Variants in NR2F1-AS1 observed in about 807,000 individuals in gnomAD.
NR2F1-AS1 encodes NR2F1 antisense RNA 1.
chr5:93,492,756 C>T lies in NR2F1-AS1; in HGVS notation n.638+61005G>A, dbSNP rs80345284. Among the ~76,000 whole-genome samples the T allele has an allele frequency of 3.3e-5, 5 of 151,816 alleles. No individual in the cohort carries two copies. The East Asian group carries it at 9.7e-4, about 29-fold the overall frequency. On this transcript the variant is annotated intron_variant and non_coding_transcript_variant, in intron 4 of 5. Transcript: ENST00000660523. ...CATATGAAAATCAATTAATATAATG[C>T]ACCACATTAAGGGGATGGAGTAACA...
chr5:93,568,312 G>A (rs1752663036), intron 1 of NR2F1-AS1, among the ~76,000 whole-genome samples: 1 of 152,098 alleles, frequency 6.6e-6, no homozygotes, highest in South Asian at 2.1e-4. Flanking sequence ...TTCAAACTAA[G>A]TATATTTATT....
At chr5:93,513,092 G>A (rs941639542) in intron 4 of NR2F1-AS1, among the ~76,000 whole-genome samples, 24 of 152,152 alleles carry the variant, frequency 1.6e-4, no homozygotes, top group Non-Finnish European at 2.8e-4. Flanking sequence ...TCAGAGAAAG[G>A]CAAATCAAAA....
chr5:93,581,277 G>C (rs943111875), upstream of NR2F1-AS1: 1 of 152,434 alleles, frequency 6.6e-6, no homozygotes, highest in Non-Finnish European at 1.5e-5. Context: ...TCCCACCCCC[G>C]GCGGCGGCAG....
In NR2F1-AS1 at chr5:93,559,811, A is replaced by G. The variant is rs79226503; in HGVS notation, n.413+3553T>C. On this transcript the variant is annotated intron_variant and non_coding_transcript_variant, in intron 2 of 5. Coordinates refer to ENST00000660523, the Ensembl canonical transcript of NR2F1-AS1. ...AACGGGCTCAATTTGTGGCACCTCAAAACAATTACATTACTAATATCGAAG... is the reference window on the plus strand; with the variant it reads ...AACGGGCTCAATTTGTGGCACCTCAGAACAATTACATTACTAATATCGAAG... Among the ~76,000 whole-genome samples the G allele has an allele frequency of 2.4e-3, 369 of 152,332 alleles. 2 individuals are homozygous for G. Among genetic ancestry groups the G allele is most frequent in the African/African-American group, 8.4e-3 (348 of 41,574 alleles).
intron 4 of NR2F1-AS1, among the ~76,000 whole-genome samples, chr5:93,516,744 G>A (rs1751408370): frequency 6.6e-6 from 1 of 151,804 alleles, no homozygotes. Flanking sequence ...TAAAGTTAGA[G>A]GTATTTAAAA....
At chr5:93,519,150 T>C (rs1751452731) in intron 4 of NR2F1-AS1, among the ~76,000 whole-genome samples, 1 of 151,994 alleles carries the variant, frequency 6.6e-6, no homozygotes, top group African/African-American at 2.4e-5. Flanking sequence ...GTGTACTAGA[T>C]GAATTAGTTG....
intron 4 of NR2F1-AS1, among the ~76,000 whole-genome samples, chr5:93,532,807 A>G (rs1337114253): frequency 6.6e-6 from 1 of 152,266 alleles, no homozygotes; most frequent in Admixed American, 6.5e-5. Context: ...ATCATCAATC[A>G]TTTAATTACT....
chr5:93,551,364 CTATAT>C (rs1752224286), intron 4 of NR2F1-AS1, among the ~76,000 whole-genome samples: 2 of 151,996 alleles, frequency 1.3e-5, no homozygotes, highest in Non-Finnish European at 2.9e-5. Flanking sequence ...TCAGTTAAAA[CTATAT>C]TATAATACAA....
intron 4 of NR2F1-AS1, among the ~76,000 whole-genome samples, chr5:93,535,971 G>T (rs1364927985): frequency 2.0e-5 from 3 of 151,944 alleles, no homozygotes; most frequent in Non-Finnish European, 4.4e-5. Context: ...ACAAGAGAAA[G>T]AAATAAAAGA....
chr5:93,547,758 C>A (rs1369235832), intron 4 of NR2F1-AS1, among the ~76,000 whole-genome samples: 3 of 152,070 alleles, frequency 2.0e-5, no homozygotes, highest in Non-Finnish European at 4.4e-5. Flanking sequence ...ATACCAGATA[C>A]TATTTAAAAC....
At chr5:93,546,713 T>C (rs1015523585) in intron 4 of NR2F1-AS1, among the ~76,000 whole-genome samples, 3 of 152,184 alleles carry the variant, frequency 2.0e-5, no homozygotes, top group African/African-American at 4.8e-5. Flanking sequence ...TGATGATAGT[T>C]TGACAGTTTG....
chr5:93,498,890 T>C (rs1234464805), intron 4 of NR2F1-AS1, among the ~76,000 whole-genome samples: 1 of 152,164 alleles, frequency 6.6e-6, no homozygotes, highest in Non-Finnish European at 1.5e-5. Flanking sequence ...TTCACCATAA[T>C]GTTGTCTAAA....
At chr5:93,444,665 T>G (rs569093288) in intron 4 of NR2F1-AS1, among the ~76,000 whole-genome samples, 1 of 152,188 alleles carries the variant, frequency 6.6e-6, no homozygotes, top group African/African-American at 2.4e-5. Context: ...AACAAGGATA[T>G]CCAGGAATTG....
At chr5:93,520,683 C>T (rs1292165302) in intron 4 of NR2F1-AS1, among the ~76,000 whole-genome samples, 4 of 152,040 alleles carry the variant, frequency 2.6e-5, no homozygotes, top group African/African-American at 9.6e-5. Flanking sequence ...AATAAATTCT[C>T]GTCTTCCATC....
At chr5:93,448,762 T>G (rs1326423466) in intron 4 of NR2F1-AS1, among the ~76,000 whole-genome samples, 3 of 152,118 alleles carry the variant, frequency 2.0e-5, no homozygotes, top group African/African-American at 7.2e-5. Flanking sequence ...ACTCAGCCTT[T>G]TTGTTCTATT....
intron 4 of NR2F1-AS1, among the ~76,000 whole-genome samples, chr5:93,501,365 T>TC (rs1751076059): frequency 1.3e-5 from 2 of 150,142 alleles, no homozygotes; most frequent in Admixed American, 1.3e-4. Flanking sequence ...AATTTTTTTT[T>TC]TTTTTTGAGA....
chr5:93,558,653 A>AAAGTTGAAATTACTCCTTGATCTATGGG (rs1752418009), intron 2 of NR2F1-AS1, among the ~76,000 whole-genome samples: 1 of 152,218 alleles, frequency 6.6e-6, no homozygotes, highest in Non-Finnish European at 1.5e-5. Flanking sequence ...ATAAAACTTG[A>AAAGTTGAAATTACTCCTTGATCTATGGG]AAGTTGAAAT....
At chr5:93,469,043 C>T (rs146454268) in intron 4 of NR2F1-AS1, among the ~76,000 whole-genome samples, 29 of 152,220 alleles carry the variant, frequency 1.9e-4, no homozygotes, top group South Asian at 1.9e-3. Flanking sequence ...CAAAGGAATG[C>T]TTAACAGGGC....
chr5:93,481,537 A>G (rs2149875241), intron 4 of NR2F1-AS1, among the ~76,000 whole-genome samples: 1 of 152,266 alleles, frequency 6.6e-6, no homozygotes, highest in African/African-American at 2.4e-5. Context: ...GACAATTTGA[A>G]CAACACTATA....
Sources: allele counts gnomAD v4.1 joint callset (sites outside exome capture counted in the v4.1 genomes callset), GRCh38; gene constraint gnomAD v4.1.1; transcripts MANE v1.5; gene names NCBI Gene and HGNC (gene_info 2026-07-23, HGNC 2026-07-21).